Variants in ETAA1 observed in about 807,000 individuals in gnomAD.
ETAA1 encodes the protein ETAA1 activator of ATR kinase.
ETAA1 carries 49 observed loss-of-function variants against 76.8 expected under a neutral mutation model. The ratio of observed to expected loss-of-function variants is 0.64; its 90% CI spans 0.51 to 0.81. ETAA1 has a LOEUF of 0.81. Ranked by LOEUF, ETAA1 falls within the 30% of genes least tolerant of loss-of-function variation. The pLI, the probability that ETAA1 is intolerant of heterozygous loss-of-function variation, is 0.00. For missense variants in ETAA1, 1,099 were observed against 1,074.0 expected, an observed-to-expected ratio of 1.02 and a Z score of -0.32; for synonymous variants, 373 against 372.2, an observed-to-expected ratio of 1.00 and a Z score of -0.03.
chr2:67,410,282 T>C lies in ETAA1; in HGVS notation c.*244T>C. 1 of 391,584 alleles carries C rather than the reference T, an allele frequency of 2.6e-6. No individual in the cohort carries two copies. The highest frequency in any genetic ancestry group is 5.3e-5 in the East Asian group (1 of 18,926). 24.3% of individuals were successfully genotyped at this position (391,584 alleles called of 1,614,324 possible). On this transcript the variant is annotated 3_prime_UTR_variant, in exon 6 of 6. Transcript: ENST00000272342. ...GAAAGTTAGCAATTATGTACGGATA[T>C]TATACAGAGGAAAGTAGTTATATTT...
Position 67,407,556 on chromosome 2 carries a change from C to T in ETAA1, c.2653+2221C>T, listed in dbSNP as rs193129055. On this transcript the variant is annotated intron_variant, in intron 5 of 5. Coordinates refer to ENST00000272342, the MANE Select transcript of ETAA1 (RefSeq NM_019002.4). ...CCTTGAACAGTGTGGGGGTTAGAGG[C>T]GCTGATCTGATTTGCAGTCGAAAGT... Among the ~76,000 whole-genome samples, 23 of 152,102 alleles carry T rather than the reference C, an allele frequency of 1.5e-4. 1 individual carries two copies. Among genetic ancestry groups the T allele is most frequent in the Middle Eastern group, 3.4e-3 (1 of 294 alleles).
intron 3 of ETAA1, chr2:67,402,495 C>CTAA (rs1421117646): frequency 6.6e-6 from 1 of 152,268 alleles, no homozygotes; most frequent in Non-Finnish European, 1.5e-5. Flanking sequence ...GTTTCTGACA[C>CTAA]TAATGTTTTT....
At chr2:67,398,060 GTGACCTGCTT>G (rs1323803037) in intron 1 of ETAA1, among the ~76,000 whole-genome samples, 1 of 151,942 alleles carries the variant, frequency 6.6e-6, no homozygotes, top group Non-Finnish European at 1.5e-5. Flanking sequence ...TTTTTTCCCT[GTGACCTGCTT>G]TAGAGAAGAG....
chr2:67,399,069 G>A, intron 1 of ETAA1, 100 bp from the exon 2 acceptor site: 1 of 1,045,564 alleles, frequency 9.6e-7, no homozygotes, highest in Non-Finnish European at 1.4e-6. Flanking sequence ...AATTATCTTG[G>A]ACTATAAAAG....
intron 3 of ETAA1, chr2:67,400,810 T>A (rs932499419): frequency 1.3e-5 from 2 of 152,116 alleles, no homozygotes; most frequent in African/African-American, 4.8e-5. Flanking sequence ...AGACAGAAAA[T>A]GAAGTTTTTC....
chr2:67,397,716 C>T lies in ETAA1; in HGVS notation c.223+45C>T, dbSNP rs753233460. On this transcript the variant is annotated intron_variant, in intron 1 of 5. Coordinates refer to ENST00000272342, the MANE Select transcript of ETAA1 (RefSeq NM_019002.4). ...GCCTGCCTTGGCTTCGGCGCCGCAT[C>T]CCCACATCCCAGCTTGCAACAGGGA... 5.3e-6 allele frequency: 8 copies of T among 1,515,186 alleles called. No individual in the cohort carries two copies. The South Asian group carries it at 9.6e-5, about 18-fold the overall frequency. 93.9% of individuals were successfully genotyped at this position (1,515,186 alleles called of 1,614,324 possible). A position where few individuals can be genotyped will look rare whatever the true frequency, so the allele number is the denominator to read the frequency against.
rs1478849909 is a variant in ETAA1, at chr2:67,403,011, G to A, written c.542+37G>A. ...CTTTTCAGCTTTTCTGAAATTCAGT[G>A]AAGCAAATATTTTTTGATAATACTC... is the stretch of plus-strand genomic sequence containing the variant. On this transcript the variant is annotated intron_variant, in intron 4 of 5. Coordinates refer to ENST00000272342, the MANE Select transcript of ETAA1 (RefSeq NM_019002.4). The A allele has an allele frequency of 2.0e-6, 3 of 1,527,890 alleles. No individual in the cohort carries two copies. In the South Asian group the frequency reaches 3.7e-5, roughly 19 times the overall value. The allele number at this position is 1,527,890 out of a possible 1,614,324, so 94.6% of individuals were successfully genotyped here.
In ETAA1 at chr2:67,405,380, AAAGT is replaced by A. The variant is rs763544153; in HGVS notation, c.2653+47_2653+50del. On this transcript the variant is annotated intron_variant, in intron 5 of 5. Coordinates refer to ENST00000272342, the MANE Select transcript of ETAA1 (RefSeq NM_019002.4). ...TAGTTTTCTTTGAAAAGCATCTTAA[AAAGT>A]AGTAAAATAATTATTTGTTGTTTTT... is the stretch of plus-strand genomic sequence containing the variant. The A allele has an allele frequency of 3.6e-6, 5 of 1,399,742 alleles. No homozygotes were observed. In the Admixed American group the frequency reaches 7.3e-5, roughly 21 times the overall value. The allele number at this position is 1,399,742 out of a possible 1,614,324, so 86.7% of individuals were successfully genotyped here.
intron 3 of ETAA1, chr2:67,400,916 T>C (rs1456960463): frequency 1.3e-5 from 2 of 152,166 alleles, no homozygotes; most frequent in Non-Finnish European, 2.9e-5. Flanking sequence ...GTCATAGAAA[T>C]TCATTTTACT....
At position 67,405,247 on chromosome 2, in the gene ETAA1, A is replaced by G. The variant is rs1330660381; in HGVS notation, c.2565A>G (p.Lys855=). 1 of 1,611,630 alleles carries G rather than the reference A, an allele frequency of 6.2e-7. No homozygotes were observed. The highest frequency in any genetic ancestry group is 1.3e-5 in the African/African-American group (1 of 74,790). Residue 855 remains lysine (K), a synonymous_variant, in exon 5 of 6, where the codon AAA becomes AAG. Transcript: ENST00000272342. ...CCAAAATTACACAGGGTGTGGAGAAAAAGAAAGGTGTCAACCCATTACTGG... is the reference window on the plus strand; with the variant it reads ...CCAAAATTACACAGGGTGTGGAGAAGAAGAAAGGTGTCAACCCATTACTGG... ...SDTKITQGVE[K]KKGVNPLLEE...
rs199959789 is a variant in ETAA1, at chr2:67,399,192, G to T, written c.247G>T (p.Ala83Ser). Residue 83 changes from alanine to serine, a missense_variant, in exon 2 of 6, where the codon GCG (alanine) becomes TCG (serine). Around this residue, in one of 3 missense-constraint regions of ETAA1, gnomAD observed 761 missense variants for 731.9 expected, o/e 1.04. Transcript: ENST00000272342. The part of the protein sequence containing the change: ...PEERYETPKR[A>S]LKMDSLSSSF... ...AGAAAGGTATGAAACACCAAAGAGA[G>T]CGCTGAAAATGGACTCACTGTCATC... The T allele has an allele frequency of 1.9e-5, 30 of 1,612,800 alleles. No individual in the cohort carries two copies. In the African/African-American group the frequency reaches 3.7e-4, roughly 20 times the overall value.
At chr2:67,409,807 C>T in intron 5 of ETAA1, 104 bp from the exon 6 acceptor site, 4 of 1,024,120 alleles carry the variant, frequency 3.9e-6, no homozygotes, top group Non-Finnish European at 5.7e-6. Context: ...TAATAGCCAA[C>T]TAATATGGCA....
chr2:67,404,852 T>G lies in ETAA1; in HGVS notation c.2170T>G (p.Tyr724Asp), dbSNP rs759473677. The change falls in exon 5 of 6, where the codon TAT becomes GAT. Residue 724 changes from tyrosine to aspartate, a missense_variant. Tyr to Asp is a radical substitution (Grantham distance 160). This residue lies in a region of ETAA1 where 302 missense variants were observed against 278.1 expected (regional missense o/e 1.09). Coordinates refer to ENST00000272342, the MANE Select transcript of ETAA1 (RefSeq NM_019002.4). ...KPMKMEKGEM[Y>D]GNSPRFLGAT... ...AATGAAGATGGAGAAAGGGGAAATG[T>G]ATGGAAATTCTCCAAGATTTTTAGG... The G allele has an allele frequency of 1.2e-6, 2 of 1,613,076 alleles. No homozygotes were observed. The highest frequency in any genetic ancestry group is 1.7e-6 in the Non-Finnish European group (2 of 1,179,402).
chr2:67,405,219 A>T lies in ETAA1; in HGVS notation c.2537A>T (p.Asp846Val). Residue 846 changes from aspartate (D) to valine (V), a missense_variant, in exon 5 of 6, where the codon GAT becomes GTT. Asp to Val is a radical substitution (Grantham distance 152). Transcript: ENST00000272342. ...AATTGTATAACTGGAAGTATGTCTG[A>T]TACCAAAATTACACAGGGTGTGGAG... Reference protein sequence around the residue: ...NQNCITGSMSDTKITQGVEKK... With the variant: ...NQNCITGSMSVTKITQGVEKK... 1 of 1,612,656 alleles carries T rather than the reference A, an allele frequency of 6.2e-7. No individual in the cohort carries two copies.
chr2:67,410,008 T>A lies in ETAA1; in HGVS notation c.2751T>A (p.Ser917=). The part of the protein sequence containing the change: ...VRRMAKARAS[S]VNAAPTSFL ...GAATGGCTAAAGCACGAGCCTCATC[T>A]GTAAATGCAGCTCCCACTTCATTTC... Residue 917 remains serine (S), a synonymous_variant, in exon 6 of 6, where the codon TCT becomes TCA. Coordinates refer to ENST00000272342, the MANE Select transcript of ETAA1 (RefSeq NM_019002.4). The A allele has an allele frequency of 6.2e-7, 1 of 1,608,136 alleles. No individual in the cohort carries two copies. The highest frequency in any genetic ancestry group is 8.5e-7 in the Non-Finnish European group (1 of 1,177,892).
Position 67,410,029 on chromosome 2 carries a change from A to G in ETAA1, c.2772A>G (p.Ser924=). ...CATCTGTAAATGCAGCTCCCACTTCATTTCTTTAATGAAATATTAGTTGGA... is the reference window on the plus strand; with the variant it reads ...CATCTGTAAATGCAGCTCCCACTTCGTTTCTTTAATGAAATATTAGTTGGA... The part of the protein sequence containing the change: ...RASSVNAAPT[S]FL The change falls in exon 6 of 6, where the codon TCA becomes TCG. Residue 924 remains serine, a synonymous_variant. Coordinates refer to ENST00000272342, the MANE Select transcript of ETAA1 (RefSeq NM_019002.4). The G allele has an allele frequency of 1.2e-6, 2 of 1,602,028 alleles. No homozygotes were observed. Among genetic ancestry groups the G allele is most frequent in the Non-Finnish European group, 1.7e-6 (2 of 1,176,462 alleles).
chr2:67,408,766 A>G (rs1032492019), intron 5 of ETAA1, among the ~76,000 whole-genome samples: 1 of 152,126 alleles, frequency 6.6e-6, no homozygotes, highest in Non-Finnish European at 1.5e-5. Context: ...TTGTAAGACC[A>G]ACTTTAGGAA....
intron 5 of ETAA1, 69 bp from the exon 6 acceptor site, chr2:67,409,842 A>G: frequency 6.8e-7 from 1 of 1,479,022 alleles, no homozygotes; most frequent in Non-Finnish European, 9.1e-7. Flanking sequence ...AAAAAAGCAA[A>G]AATTAAAGCA....
chr2:67,399,715 CTATTA>C, intron 3 of ETAA1, 89 bp downstream of exon 3: 1 of 837,816 alleles, frequency 1.2e-6, no homozygotes, highest in South Asian at 1.9e-5. Context: ...AAAGTATTGT[CTATTA>C]TAATTCTTTT....
Sources: gnomAD v4.1 joint callset for allele counts (sites outside exome capture counted in the v4.1 genomes callset) on GRCh38, gnomAD v4.1.1 for gene constraint, gnomAD v4.1.1 regional missense constraint, MANE v1.5 for transcripts, NCBI Gene and HGNC (gene_info 2026-07-23, HGNC 2026-07-21) for gene names.